Variants in SLC1A7 observed in about 807,000 individuals in gnomAD.
SLC1A7 encodes excitatory amino acid transporter 5.
A neutral mutation model predicts 47.7 loss-of-function variants in SLC1A7; 40 were observed. The ratio of observed to expected loss-of-function variants is 0.84; its 90% CI spans 0.65 to 1.09. The LOEUF is 1.09. Ranked by LOEUF, SLC1A7 falls within the 50% of genes least tolerant of loss-of-function variation. SLC1A7 has a pLI of 0.00. For missense variants in SLC1A7, 746 were observed against 769.5 expected (o/e 0.97, Z 0.36); for synonymous variants, 323 against 325.6 (o/e 0.99, Z 0.09).
rs147574179 is a variant in SLC1A7 at position 53,092,663 on chromosome 1, C to T, written c.922G>A (p.Gly308Arg). ...TAGAGCAGGGGCAGGATAAAGAGCC[C>T]GTGGAGCACCAGCCCGCACACCACG... ...VTVVCGLVLH[G>R]LFILPLLYFF... The change falls in exon 7 of 11, where the codon GGG becomes AGG. Residue 308 changes from glycine to arginine, a missense_variant. Physicochemically the swap from Gly to Arg is moderately radical, Grantham distance 125. Coordinates refer to ENST00000371494, the MANE Select transcript of SLC1A7 (RefSeq NM_006671.6). 42 of 1,613,976 alleles carry T rather than the reference C, an allele frequency of 2.6e-5. No individual in the cohort carries two copies. Among genetic ancestry groups the T allele is most frequent in the African/African-American group, 1.3e-4 (10 of 74,922 alleles).
In SLC1A7 at chr1:53,090,593, G is replaced by C. The variant is rs1469556333; in HGVS notation, c.1226+19C>G. 1 of 1,558,632 alleles carries C rather than the reference G, an allele frequency of 6.4e-7. No individual in the cohort carries two copies. The highest frequency in any genetic ancestry group is 1.8e-5 in the Admixed American group (1 of 56,832). On this transcript the variant is annotated intron_variant, in intron 8 of 10. Coordinates refer to ENST00000371494, the MANE Select transcript of SLC1A7 (RefSeq NM_006671.6). ...CCCAGCCCCCGCCCCATCCACCCAG[G>C]TGCAGTGTCAGGGTGCACCTGATGG...
chr1:53,127,060 A>G (rs1260802108), intron 2 of SLC1A7, among the ~76,000 whole-genome samples: 3 of 11,236 alleles, frequency 2.7e-4, no homozygotes, highest in Non-Finnish European at 6.0e-4. Context: ...TTTTTTTTGT[A>G]GAGATGGGGT....
chr1:53,098,130 T>TAC (rs1644521878), intron 5 of SLC1A7, among the ~76,000 whole-genome samples: 2 of 140,354 alleles, frequency 1.4e-5, no homozygotes, highest in East Asian at 4.6e-4. Context: ...CACACCTCAG[T>TAC]ACACACACCA....
intron 5 of SLC1A7, among the ~76,000 whole-genome samples, chr1:53,100,644 C>T (rs1302894381): frequency 6.6e-6 from 1 of 151,874 alleles, no homozygotes; most frequent in Non-Finnish European, 1.5e-5. Flanking sequence ...GGTACACTCA[C>T]ACACCTTTCC....
intron 3 of SLC1A7, among the ~76,000 whole-genome samples, chr1:53,111,716 C>G (rs1464378382): frequency 1.3e-5 from 2 of 152,156 alleles, no homozygotes; most frequent in African/African-American, 4.8e-5. Context: ...TTTGAGATAC[C>G]TCTAGACACT....
rs375392751 is a variant in SLC1A7 at position 53,141,889 on chromosome 1, G to A, written c.135+426C>T. Among the ~76,000 whole-genome samples the A allele has an allele frequency of 1.3e-5, 2 of 152,128 alleles. 1 individual carries two copies. ...GACCTATGGGCCTGCTGGCCTCTGCGCTCCGGCCGCTGCACCTGGCATCTG... is the reference window on the plus strand; with the variant it reads ...GACCTATGGGCCTGCTGGCCTCTGCACTCCGGCCGCTGCACCTGGCATCTG... On this transcript the variant is annotated intron_variant, in intron 1 of 10. Coordinates refer to ENST00000371494, the MANE Select transcript of SLC1A7 (RefSeq NM_006671.6).
intron 2 of SLC1A7, among the ~76,000 whole-genome samples, chr1:53,121,409 G>A (rs775809837): frequency 2.0e-5 from 3 of 152,240 alleles, no homozygotes; most frequent in Non-Finnish European, 4.4e-5. Flanking sequence ...GAGACAGTTG[G>A]CACCAGAAAT....
At chr1:53,099,783 C>T (rs957215037) in intron 5 of SLC1A7, among the ~76,000 whole-genome samples, 1 of 150,706 alleles carries the variant, frequency 6.6e-6, no homozygotes, top group African/African-American at 2.4e-5. Context: ...TCAGTACACA[C>T]ACACACCATC....
At chr1:53,092,241 G>A (rs1264648948) in intron 7 of SLC1A7, among the ~76,000 whole-genome samples, 2 of 152,264 alleles carry the variant, frequency 1.3e-5, no homozygotes, top group Admixed American at 1.3e-4. Context: ...TGGGGCAAAA[G>A]GCAGCAGCAG....
chr1:53,106,116 C>T (rs943539349), intron 3 of SLC1A7, among the ~76,000 whole-genome samples: 8 of 152,126 alleles, frequency 5.3e-5, no homozygotes, highest in African/African-American at 9.6e-5. Context: ...CGAGACCCTG[C>T]GGCCCTTCTG....
At chr1:53,118,826 C>T (rs1016283403) in intron 2 of SLC1A7, among the ~76,000 whole-genome samples, 5 of 152,000 alleles carry the variant, frequency 3.3e-5, no homozygotes. Flanking sequence ...GGTGAAGCCC[C>T]ATCTCTACTA....
At chr1:53,091,409 G>A (rs1327253478) in intron 7 of SLC1A7, among the ~76,000 whole-genome samples, 2 of 152,196 alleles carry the variant, frequency 1.3e-5, no homozygotes, top group Non-Finnish European at 2.9e-5. Flanking sequence ...GGTTCTACTC[G>A]CCAGAGCCTC....
At chr1:53,098,060 A>C in intron 5 of SLC1A7, among the ~76,000 whole-genome samples, 1 of 141,200 alleles carries the variant, frequency 7.1e-6, no homozygotes, top group African/African-American at 2.7e-5. Flanking sequence ...ACACTCACAC[A>C]TTTTGCCTTG....
intron 2 of SLC1A7, among the ~76,000 whole-genome samples, chr1:53,117,779 G>A (rs181468141): frequency 6.6e-6 from 1 of 152,334 alleles, no homozygotes; most frequent in African/African-American, 2.4e-5. Flanking sequence ...ACACGGGGGT[G>A]GCGCCAACTC....
At chr1:53,104,409 C>G (rs1349152773) in intron 4 of SLC1A7, among the ~76,000 whole-genome samples, 1 of 152,208 alleles carries the variant, frequency 6.6e-6, no homozygotes, top group African/African-American at 2.4e-5. Flanking sequence ...ATGAACCTGA[C>G]ATGATTTCTG....
chr1:53,134,427 T>A lies in SLC1A7; in HGVS notation c.138A>T (p.Glu46Asp). The A allele has an allele frequency of 6.2e-7, 1 of 1,609,144 alleles. No individual in the cohort carries two copies. The highest frequency in any genetic ancestry group is 1.7e-5 in the Admixed American group (1 of 59,834). The stretch of plus-strand genomic sequence containing the variant: ...CTCCAGGGAACTGGAAGTAACTAAT[T>A]TCCTGAAAACACAGTAAGAACTGGG... ...FLRTRRLSPQ[E>D]ISYFQFPGEL... The change falls in exon 2 of 11, where the codon GAA becomes GAT. Residue 46 changes from glutamate (E) to aspartate (D), a missense_variant and splice_region_variant. By Grantham distance (45) the Glu-to-Asp change is conservative. Transcript: ENST00000371494.
Position 53,103,359 on chromosome 1 carries a change from G to A in SLC1A7, c.684C>T (p.Phe228=), listed in dbSNP as rs1185921902. The A allele has an allele frequency of 1.9e-6, 3 of 1,603,162 alleles. No individual in the cohort carries two copies. The highest frequency in any genetic ancestry group is 2.6e-6 in the Non-Finnish European group (3 of 1,175,732). ...GGCAGCACATACCCATGGTGGCAGA[G>A]AAGAAGACGATGCCCAGCACATTCA... ...DGMNVLGIVF[F]SATMGIMLGR... Residue 228 remains phenylalanine, a synonymous_variant, in exon 5 of 11, where the codon TTC becomes TTT. Coordinates refer to ENST00000371494, the MANE Select transcript of SLC1A7 (RefSeq NM_006671.6).
intron 4 of SLC1A7, among the ~76,000 whole-genome samples, chr1:53,105,152 C>A (rs941010280): frequency 1.3e-5 from 2 of 152,078 alleles, no homozygotes; most frequent in Non-Finnish European, 2.9e-5. Context: ...AGAAATATAT[C>A]CTCTGCTACC....
chr1:53,137,141 G>A (rs1645009022), intron 1 of SLC1A7, among the ~76,000 whole-genome samples: 1 of 152,046 alleles, frequency 6.6e-6, no homozygotes, highest in African/African-American at 2.4e-5. Flanking sequence ...ACAAAAATTA[G>A]CTGGGCATGG....
Sources: gnomAD v4.1 joint callset for allele counts (sites outside exome capture counted in the v4.1 genomes callset) on GRCh38, gnomAD v4.1.1 for gene constraint, MANE v1.5 for transcripts, NCBI Gene and HGNC (gene_info 2026-07-23, HGNC 2026-07-21) for gene names.